Variants in ARHGEF10 observed in about 807,000 individuals in gnomAD.
ARHGEF10 encodes Rho guanine nucleotide exchange factor 10.
Under a neutral mutation model 147.4 loss-of-function variants are expected in ARHGEF10, and 140 were observed. The observed-to-expected ratio is 0.95, with a 90% CI of 0.83 to 1.09. The LOEUF is 1.09. Among genes scored for constraint, ARHGEF10 ranks in the 50% least tolerant of loss-of-function variants. The pLI is 0.00. For synonymous variants in ARHGEF10, 902 were observed against 695.8 expected (o/e 1.30, Z -4.67); for missense variants, 2,222 against 1,752.7 (o/e 1.27, Z -4.78).
intron 5 of ARHGEF10, among the ~76,000 whole-genome samples, chr8:1,865,167 T>C (rs1449920845): frequency 6.6e-6 from 1 of 152,258 alleles, no homozygotes; most frequent in African/African-American, 2.4e-5. Flanking sequence ...TTTTAAACTT[T>C]AAAAGTGCAA....
intron 1 of ARHGEF10, among the ~76,000 whole-genome samples, chr8:1,834,605 C>T (rs1338842071): frequency 6.6e-6 from 1 of 152,192 alleles, no homozygotes; most frequent in Non-Finnish European, 1.5e-5. Flanking sequence ...GTCCATCCAT[C>T]CCCTTTCCGT....
Position 1,957,449 on chromosome 8 carries a change from G to T in ARHGEF10, c.*186G>T. 1 of 826,986 alleles carries T rather than the reference G, an allele frequency of 1.2e-6. No individual in the cohort carries two copies. Among genetic ancestry groups the T allele is most frequent in the South Asian group, 1.8e-5 (1 of 55,670 alleles). The allele number at this position is 826,986 out of a possible 1,614,324, so 51.2% of individuals were successfully genotyped here. ...CAATTCCTTCCTTCTCTTCTGTACAGCAGAAGTAATTACAAGCACTTCTCA... is the reference window on the plus strand; with the variant it reads ...CAATTCCTTCCTTCTCTTCTGTACATCAGAAGTAATTACAAGCACTTCTCA... On this transcript the variant is annotated 3_prime_UTR_variant, in exon 29 of 29. Transcript: ENST00000349830.
chr8:1,930,937 T>A (rs147704756), intron 25 of ARHGEF10, among the ~76,000 whole-genome samples: 123 of 152,364 alleles, frequency 8.1e-4, no homozygotes, highest in African/African-American at 2.6e-3. Context: ...GGCCTCTGGT[T>A]GCCTCCCTCT....
At chr8:1,874,665 T>C (rs962690272) in intron 7 of ARHGEF10, among the ~76,000 whole-genome samples, 1 of 151,042 alleles carries the variant, frequency 6.6e-6, no homozygotes, top group African/African-American at 2.5e-5. Context: ...CACCAGGGTG[T>C]GTAGGGGGTA....
rs4875949 is a variant in ARHGEF10, at chr8:1,858,280, G to A, written c.193+165G>A. On this transcript the variant is annotated intron_variant, in intron 3 of 28. Transcript: ENST00000349830. Reference sequence around the variant, plus strand: ...CCCTGGGGGGTTCCCAGGTGAGTCCGCAGATCACCGGCATCAGGGTCACCT... The same window carrying A: ...CCCTGGGGGGTTCCCAGGTGAGTCCACAGATCACCGGCATCAGGGTCACCT... Among the ~76,000 whole-genome samples the A allele has an allele frequency of 1.4e-3, 197 of 145,272 alleles. 1 individual carries two copies. Among genetic ancestry groups the A allele is most frequent in the African/African-American group, 4.7e-3 (185 of 39,696 alleles).
At position 1,861,802 on chromosome 8, in the gene ARHGEF10, T is replaced by C. The variant is rs558586930; in HGVS notation, c.481+1618T>C. Among the ~76,000 whole-genome samples the C allele has an allele frequency of 4.1e-4, 62 of 152,296 alleles. No homozygotes were observed. In the South Asian group the frequency reaches 7.2e-3, roughly 18 times the overall value. On this transcript the variant is annotated intron_variant, in intron 4 of 28. Coordinates refer to ENST00000349830, the MANE Select transcript of ARHGEF10 (RefSeq NM_014629.4). Reference sequence around the variant, plus strand: ...GTTGTCACTCTGTGACCGCGGAGCATGAGAACCCCCTGGAAATGAGGGCGT... The same window carrying C: ...GTTGTCACTCTGTGACCGCGGAGCACGAGAACCCCCTGGAAATGAGGGCGT...
At chr8:1,852,864 C>A (rs549333231) in intron 2 of ARHGEF10, among the ~76,000 whole-genome samples, 1 of 152,324 alleles carries the variant, frequency 6.6e-6, no homozygotes, top group Admixed American at 6.5e-5. Context: ...GCTTAAATGG[C>A]TGCTGCTGTC....
intron 18 of ARHGEF10, 23 bp downstream of exon 18, chr8:1,909,493 T>C: frequency 6.2e-7 from 1 of 1,613,176 alleles, no homozygotes; most frequent in Non-Finnish European, 8.5e-7. Context: ...TTCTCTCACG[T>C]TCGTGCCGTG....
At chr8:1,887,304 C>T (rs1808748898) in intron 11 of ARHGEF10, among the ~76,000 whole-genome samples, 1 of 152,256 alleles carries the variant, frequency 6.6e-6, no homozygotes, top group Non-Finnish European at 1.5e-5. Context: ...TGACTCAGGA[C>T]CAGAAGAGTC....
At chr8:1,844,340 C>T (rs1046046247) in intron 2 of ARHGEF10, among the ~76,000 whole-genome samples, 39 of 29,256 alleles carry the variant, frequency 1.3e-3, no homozygotes, top group African/African-American at 3.1e-3. Flanking sequence ...AGTCAGTCAC[C>T]GGGGCCTGGT....
At chr8:1,932,639 T>C (rs918361164) in intron 25 of ARHGEF10, among the ~76,000 whole-genome samples, 14 of 152,228 alleles carry the variant, frequency 9.2e-5, no homozygotes, top group African/African-American at 2.9e-4. Context: ...GGGCTAATAA[T>C]TACCCTACAA....
Position 1,860,229 on chromosome 8 carries a change from C to T in ARHGEF10, c.481+45C>T, listed in dbSNP as rs760477581. On this transcript the variant is annotated intron_variant, in intron 4 of 28. Coordinates refer to ENST00000349830, the MANE Select transcript of ARHGEF10 (RefSeq NM_014629.4). ...CACGCCCCCGAAGTGGCCTGTGGTTCCCTCCTCTCCACGCCCCCGAAGTGG... is the reference window on the plus strand; with the variant it reads ...CACGCCCCCGAAGTGGCCTGTGGTTTCCTCCTCTCCACGCCCCCGAAGTGG... 1.2e-5 allele frequency: 19 copies of T among 1,603,202 alleles called. No homozygotes were observed. In the East Asian group the frequency reaches 1.8e-4, roughly 15 times the overall value.
chr8:1,932,423 CG>C (rs778281976), intron 25 of ARHGEF10, among the ~76,000 whole-genome samples: 2 of 151,916 alleles, frequency 1.3e-5, no homozygotes, highest in Non-Finnish European at 2.9e-5. Context: ...GGCAGGTGCA[CG>C]TACTTGTGGG....
rs1441163496 is a variant in ARHGEF10, at chr8:1,958,267, G to GT, written c.*1006dup. On this transcript the variant is annotated 3_prime_UTR_variant, in exon 29 of 29. Coordinates refer to ENST00000349830, the MANE Select transcript of ARHGEF10 (RefSeq NM_014629.4). The stretch of plus-strand genomic sequence containing the variant: ...GGCGTGACCTCGGGCCAGCCTGTCT[G>GT]TTGTGCAGACGCCTCCTCTGCAGAA... 1.4e-4 allele frequency: 21 copies of GT among 152,374 alleles called. No individual in the cohort carries two copies. The highest frequency in any genetic ancestry group is 5.0e-4 in the African/African-American group (21 of 41,594). 9.4% of individuals were successfully genotyped at this position (152,374 alleles called of 1,614,324 possible). A position where few individuals can be genotyped will look rare whatever the true frequency, so the allele number is the denominator to read the frequency against.
chr8:1,864,603 G>C (rs1431508681), intron 5 of ARHGEF10, among the ~76,000 whole-genome samples, 167 bp downstream of exon 5: 2 of 152,224 alleles, frequency 1.3e-5, no homozygotes, highest in Non-Finnish European at 1.5e-5. Context: ...AGTGTCCCTG[G>C]AAATGTAGGG....
At chr8:1,924,619 C>G (rs1054219264) in intron 21 of ARHGEF10, among the ~76,000 whole-genome samples, 2 of 152,310 alleles carry the variant, frequency 1.3e-5, no homozygotes, top group East Asian at 3.9e-4. Flanking sequence ...ACGGGAAAGC[C>G]GTCCTGACTT....
intron 26 of ARHGEF10, among the ~76,000 whole-genome samples, chr8:1,938,578 C>G (rs933943283): frequency 1.3e-5 from 2 of 152,132 alleles, no homozygotes; most frequent in African/African-American, 4.8e-5. Flanking sequence ...TTTGCTGCAG[C>G]AATGCGTTTT....
chr8:1,840,399 T>TATGGGGACTGTCCGGTGTGGAAGCTGTCC (rs1563159081), intron 1 of ARHGEF10, among the ~76,000 whole-genome samples: 1 of 111,224 alleles, frequency 9.0e-6, no homozygotes, highest in African/African-American at 3.4e-5. Flanking sequence ...GGAAGCTGTC[T>TATGGGGACTGTCCGGTGTGGAAGCTGTCC]GGTGTGGGGA....
intron 1 of ARHGEF10, among the ~76,000 whole-genome samples, chr8:1,838,984 C>T (rs891326557): frequency 2.7e-5 from 4 of 146,170 alleles, no homozygotes; most frequent in African/African-American, 7.7e-5. Flanking sequence ...GACTCTCTGG[C>T]GTGGGGGCCA....
Sources: allele counts gnomAD v4.1 joint callset (sites outside exome capture counted in the v4.1 genomes callset), GRCh38; gene constraint gnomAD v4.1.1; transcripts MANE v1.5; gene names NCBI Gene and HGNC (gene_info 2026-07-23, HGNC 2026-07-21).